The following GPM6A variants were observed in gnomAD, a reference collection of about 807,000 sequenced individuals.
GPM6A encodes neuronal membrane glycoprotein M6-a.
GPM6A carries 7 observed loss-of-function variants against 32.1 expected under a neutral mutation model. The ratio of observed to expected loss-of-function variants is 0.22; its 90% CI spans 0.12 to 0.41. The LOEUF (loss-of-function observed/expected upper bound fraction) is 0.41, where lower values mean the gene tolerates loss of function less well. GPM6A is among the 10% of genes least tolerant of loss of function. The pLI is 1.00. For synonymous variants in GPM6A, 130 were observed against 123.4 expected, an observed-to-expected ratio of 1.05 and a Z score of -0.35; for missense variants, 235 against 347.2, an observed-to-expected ratio of 0.68 and a Z score of 2.57.
intron 1 of GPM6A, among the ~76,000 whole-genome samples, chr4:175,760,255 G>C (rs895521938): frequency 2.0e-5 from 3 of 152,050 alleles, no homozygotes; most frequent in African/African-American, 7.2e-5. Context: ...CAATCAAATT[G>C]ATCCATGTGT....
chr4:175,771,033 T>C (rs970115477), intron 1 of GPM6A, among the ~76,000 whole-genome samples: 14 of 152,220 alleles, frequency 9.2e-5, no homozygotes, highest in African/African-American at 3.4e-4. Flanking sequence ...CACAAATATG[T>C]AATGCCTCTT....
At chr4:175,750,619 C>T (rs1193419939) in intron 1 of GPM6A, among the ~76,000 whole-genome samples, 2 of 59,270 alleles carry the variant, frequency 3.4e-5, no homozygotes, top group African/African-American at 8.9e-5. Flanking sequence ...GTCGCCAAGG[C>T]TAGAGTGTGG....
At chr4:175,978,248 G>A (rs565121039) in intron 1 of GPM6A, among the ~76,000 whole-genome samples, 55 of 152,132 alleles carry the variant, frequency 3.6e-4, no homozygotes, top group Non-Finnish European at 6.0e-4. Flanking sequence ...CCTTCTTCAC[G>A]AGGAGGCAGG....
intron 2 of GPM6A, among the ~76,000 whole-genome samples, chr4:175,695,258 T>A (rs185256944): frequency 3.5e-4 from 54 of 152,272 alleles, no homozygotes; most frequent in African/African-American, 1.2e-3. Flanking sequence ...TACTAGCTAG[T>A]AGAGCTGTGA....
chr4:175,799,917 T>C (rs1244268904), intron 1 of GPM6A, among the ~76,000 whole-genome samples: 3 of 152,190 alleles, frequency 2.0e-5, no homozygotes, highest in African/African-American at 7.2e-5. Flanking sequence ...AGAATATCCT[T>C]GAGCAAGAGG....
Position 175,711,431 on chromosome 4 carries a change from TATATATATATATATATATATATATATAC to T in GPM6A, c.38-9692_38-9665del, listed in dbSNP as rs1286993272. On this transcript the variant is annotated intron_variant, in intron 1 of 6. Coordinates refer to ENST00000393658, the MANE Select transcript of GPM6A (RefSeq NM_201591.3). ...CCAAATATATATATATATATATATA[TATATATATATATATATATATATATATAC>T]ACACACATACATACATGTATATATA... Among the ~76,000 whole-genome samples, 90 of 74,744 alleles carry T rather than the reference TATATATATATATATATATATATATATAC, an allele frequency of 1.2e-3. 4 individuals carry two copies. The East Asian group carries it at 0.025, about 21-fold the overall frequency. The allele number at this position is 74,744 out of a possible 152,430, so 49.0% of individuals were successfully genotyped here.
chr4:175,961,206 T>C (rs897285015), intron 1 of GPM6A: 29 of 152,336 alleles, frequency 1.9e-4, no homozygotes, highest in Admixed American at 1.6e-3. Context: ...TCTCGAAATA[T>C]GCAAATTTTC....
At chr4:175,715,129 C>T (rs1318342913) in intron 1 of GPM6A, among the ~76,000 whole-genome samples, 1 of 151,956 alleles carries the variant, frequency 6.6e-6, no homozygotes, top group Non-Finnish European at 1.5e-5. Flanking sequence ...GACTAATTAA[C>T]ATAAATGTTC....
chr4:175,923,164 C>T (rs1423593896), intron 1 of GPM6A, among the ~76,000 whole-genome samples: 1 of 149,650 alleles, frequency 6.7e-6, no homozygotes, highest in South Asian at 2.1e-4. Context: ...ACAGTTATTA[C>T]AAACTTTGTC....
In GPM6A at chr4:175,673,756, A is replaced by C. The variant is rs973985887; in HGVS notation, c.311T>G (p.Phe104Cys). Residue 104 changes from phenylalanine to cysteine, a missense_variant, in exon 3 of 7, where the codon TTC becomes TGC. Phe to Cys is a radical substitution (Grantham distance 205). Around this residue, in one of 3 missense-constraint regions of GPM6A, gnomAD observed 101 missense variants for 171.2 expected, o/e 0.59. Transcript: ENST00000393658. ...ATCTTTGATGGCCCCAGTTGTGAAGAAACCTTCCACCATCAGCAAAATGCC... is the reference window on the plus strand; with the variant it reads ...ATCTTTGATGGCCCCAGTTGTGAAGCAACCTTCCACCATCAGCAAAATGCC... ...VYGILLMVEG[F>C]FTTGAIKDLY... 1.2e-6 allele frequency: 2 copies of C among 1,613,086 alleles called. No individual in the cohort carries two copies. Among genetic ancestry groups the C allele is most frequent in the Non-Finnish European group, 1.7e-6 (2 of 1,179,260 alleles).
In GPM6A at chr4:175,633,734, G is replaced by A. The variant is rs11545194; in HGVS notation, c.*1171C>T. 7.9e-4 allele frequency: 121 copies of A among 152,448 alleles called. No individual in the cohort carries two copies. Among genetic ancestry groups the A allele is most frequent in the Admixed American group, 1.6e-3 (25 of 15,256 alleles). The allele number at this position is 152,448 out of a possible 1,614,324, so 9.4% of individuals were successfully genotyped here. On this transcript the variant is annotated 3_prime_UTR_variant, in exon 7 of 7. Transcript: ENST00000393658. Reference sequence around the variant, plus strand: ...TATAAATGAATATGAATGAACATTCGGTTAAAATGACTTACTTGAAATAAA... The same window carrying A: ...TATAAATGAATATGAATGAACATTCAGTTAAAATGACTTACTTGAAATAAA...
At chr4:175,757,873 G>A (rs1732590539) in intron 1 of GPM6A, among the ~76,000 whole-genome samples, 1 of 152,142 alleles carries the variant, frequency 6.6e-6, no homozygotes, top group South Asian at 2.1e-4. Flanking sequence ...AAAATGTACA[G>A]ATAATAACAT....
At chr4:175,727,946 G>A (rs757288587) in intron 1 of GPM6A, among the ~76,000 whole-genome samples, 10 of 149,710 alleles carry the variant, frequency 6.7e-5, no homozygotes, top group South Asian at 4.2e-4. Flanking sequence ...CAGTGTTACC[G>A]TGAGCCAAGA....
At chr4:175,848,214 A>C (rs1439763483) in intron 1 of GPM6A, among the ~76,000 whole-genome samples, 2 of 152,200 alleles carry the variant, frequency 1.3e-5, no homozygotes, top group African/African-American at 2.4e-5. Context: ...ATTTGCAATA[A>C]TGTATAATTT....
intron 1 of GPM6A, among the ~76,000 whole-genome samples, chr4:175,772,233 A>C (rs1579483414): frequency 6.6e-6 from 1 of 152,230 alleles, no homozygotes; most frequent in East Asian, 1.9e-4. Flanking sequence ...CAAATAGGAT[A>C]CTGCTCCTAT....
rs915225511 is a variant in GPM6A at position 175,817,995 on chromosome 4, G to A, written c.-22-5746C>T. ...ATTTACCCCCAAGAAATTACCTTTC[G>A]GGTATCTTAGGCTCTTTCTTACCAA... is the stretch of plus-strand genomic sequence containing the variant. On this transcript the variant is annotated intron_variant, in intron 1 of 7. Transcript: ENST00000280187. Among the ~76,000 whole-genome samples, 6 of 152,034 alleles carry A rather than the reference G, an allele frequency of 3.9e-5. No individual in the cohort carries two copies. The East Asian group carries it at 7.7e-4, about 20-fold the overall frequency.
At chr4:175,949,668 T>C (rs7690089) in intron 1 of GPM6A, among the ~76,000 whole-genome samples, 151,510 of 152,324 alleles carry the variant, frequency 0.99, 75,357 homozygotes, top group East Asian at 1. Context: ...TTCCTTCAAA[T>C]CAGTAAATAA....
chr4:175,775,031 T>C (rs181318641), intron 1 of GPM6A, among the ~76,000 whole-genome samples: 1 of 152,254 alleles, frequency 6.6e-6, no homozygotes, highest in Admixed American at 6.5e-5. Flanking sequence ...GGTGAACAGA[T>C]GTATGTAGTG....
At chr4:175,865,135 T>C (rs1579578188) in intron 1 of GPM6A, among the ~76,000 whole-genome samples, 1 of 152,208 alleles carries the variant, frequency 6.6e-6, no homozygotes, top group East Asian at 1.9e-4. Flanking sequence ...TAGTATGAGG[T>C]AATAATGAAA....
Sources: gnomAD v4.1 joint callset for allele counts (sites outside exome capture counted in the v4.1 genomes callset) on GRCh38, gnomAD v4.1.1 for gene constraint, gnomAD v4.1.1 regional missense constraint, MANE v1.5 for transcripts, NCBI Gene and HGNC (gene_info 2026-07-23, HGNC 2026-07-21) for gene names.